Variants in MARCHF10 observed in about 807,000 individuals in gnomAD.
MARCHF10 encodes membrane associated ring-CH-type finger 10, also known as probable E3 ubiquitin-protein ligase MARCHF10.
A neutral mutation model predicts 76.2 loss-of-function variants in MARCHF10; 64 were observed. The observed-to-expected ratio is 0.84, with a 90% CI of 0.69 to 1.03. The LOEUF is 1.03. MARCHF10 is among the 50% of genes least tolerant of loss of function. MARCHF10 has a pLI of 0.00. For missense variants in MARCHF10, 875 were observed against 958.0 expected (o/e 0.91, Z 1.14); for synonymous variants, 340 against 357.5 (o/e 0.95, Z 0.55).
intron 3 of MARCHF10, among the ~76,000 whole-genome samples, chr17:62,767,237 T>C (rs1189246603): frequency 1.3e-5 from 2 of 149,550 alleles, no homozygotes; most frequent in East Asian, 4.0e-4. Flanking sequence ...TATGTTTCTT[T>C]TAGAGAGAGA....
At chr17:62,801,907 T>C (rs968369137) in intron 1 of MARCHF10, among the ~76,000 whole-genome samples, 155 bp from the exon 2 acceptor site, 1 of 152,238 alleles carries the variant, frequency 6.6e-6, no homozygotes, top group African/African-American at 2.4e-5. Flanking sequence ...AAGGGACTTC[T>C]TGTGTTGCTG....
Position 62,754,099 on chromosome 17 carries a change from G to A in MARCHF10, c.382+5736C>T, listed in dbSNP as rs147851115. Among the ~76,000 whole-genome samples the A allele has an allele frequency of 9.2e-5, 14 of 152,134 alleles. 1 individual carries two copies. The East Asian group carries it at 2.5e-3, about 27-fold the overall frequency. On this transcript the variant is annotated intron_variant, in intron 4 of 10. Coordinates refer to ENST00000311269, the MANE Select transcript of MARCHF10 (RefSeq NM_152598.4). ...TTTTTGTTGTTGTTGTCGAGACATG[G>A]TTTCACTCTGTCGCCCAGGCTGGAG... is the stretch of plus-strand genomic sequence containing the variant.
chr17:62,769,727 C>G (rs1163256680), intron 3 of MARCHF10, among the ~76,000 whole-genome samples: 2 of 152,128 alleles, frequency 1.3e-5, no homozygotes, highest in Non-Finnish European at 2.9e-5. Flanking sequence ...TTCCACATTC[C>G]TTTTACAATT....
chr17:62,759,582 G>A (rs980191041), intron 4 of MARCHF10, among the ~76,000 whole-genome samples: 1 of 152,096 alleles, frequency 6.6e-6, no homozygotes, highest in Non-Finnish European at 1.5e-5. Flanking sequence ...GGGTTCAAGC[G>A]ATTCTCCTGC....
intron 2 of MARCHF10, among the ~76,000 whole-genome samples, chr17:62,798,079 T>G (rs1403138698): frequency 6.6e-6 from 1 of 152,106 alleles, no homozygotes; most frequent in African/African-American, 2.4e-5. Context: ...CATAGCCAAC[T>G]GGGAAATACA....
chr17:62,761,299 G>C (rs1230040769), intron 3 of MARCHF10, among the ~76,000 whole-genome samples: 1 of 152,204 alleles, frequency 6.6e-6, no homozygotes, highest in East Asian at 1.9e-4. Context: ...AAAAGAACCA[G>C]AAAAGCACAA....
intron 3 of MARCHF10, among the ~76,000 whole-genome samples, chr17:62,781,740 T>C (rs2092661999): frequency 6.6e-6 from 1 of 152,206 alleles, no homozygotes; most frequent in African/African-American, 2.4e-5. Context: ...AAGCCATTAT[T>C]TGATGGTAAA....
At chr17:62,772,144 A>G (rs1265850117) in intron 3 of MARCHF10, among the ~76,000 whole-genome samples, 1 of 152,184 alleles carries the variant, frequency 6.6e-6, no homozygotes, top group Non-Finnish European at 1.5e-5. Flanking sequence ...CTTGAATTGT[A>G]GCTCCCACAA....
At chr17:62,796,727 G>A (rs749180330) in intron 2 of MARCHF10, among the ~76,000 whole-genome samples, 7 of 152,164 alleles carry the variant, frequency 4.6e-5, no homozygotes, top group East Asian at 3.8e-4. Context: ...GGTGGCTCAC[G>A]CCTGTAATCC....
intron 2 of MARCHF10, among the ~76,000 whole-genome samples, chr17:62,797,785 G>T (rs1398765342): frequency 6.6e-6 from 1 of 152,188 alleles, no homozygotes; most frequent in Non-Finnish European, 1.5e-5. Flanking sequence ...CTGACAGATG[G>T]CAGGACTGGA....
At position 62,757,131 on chromosome 17, in the gene MARCHF10, T is replaced by C. The variant is rs185601270; in HGVS notation, c.382+2704A>G. Among the ~76,000 whole-genome samples the C allele has an allele frequency of 2.0e-4, 31 of 152,194 alleles. No individual in the cohort carries two copies. The East Asian group carries it at 5.6e-3, about 28-fold the overall frequency. On this transcript the variant is annotated intron_variant, in intron 4 of 10. Coordinates refer to ENST00000311269, the MANE Select transcript of MARCHF10 (RefSeq NM_152598.4). ...AGTCGAGCCATGTTCCCCAGCTATATATTTTTTTTTCAGTAAAAGTCTGGT... is the reference window on the plus strand; with the variant it reads ...AGTCGAGCCATGTTCCCCAGCTATACATTTTTTTTTCAGTAAAAGTCTGGT...
At chr17:62,797,542 G>A (rs1598073621) in intron 2 of MARCHF10, among the ~76,000 whole-genome samples, 1 of 152,180 alleles carries the variant, frequency 6.6e-6, no homozygotes, top group South Asian at 2.1e-4. Flanking sequence ...ATGTGTATGA[G>A]CACAGAGATT....
intron 4 of MARCHF10, among the ~76,000 whole-genome samples, chr17:62,744,809 T>C (rs561047569): frequency 6.6e-6 from 1 of 151,976 alleles, no homozygotes; most frequent in East Asian, 2.0e-4. Context: ...AGGTCAGGAG[T>C]TTGAGACCAG....
chr17:62,804,648 G>A (rs995521614), intron 1 of MARCHF10, among the ~76,000 whole-genome samples: 2 of 152,114 alleles, frequency 1.3e-5, no homozygotes, highest in Non-Finnish European at 2.9e-5. Flanking sequence ...AAGAAGTTTG[G>A]CTTTGACTGG....
At position 62,786,364 on chromosome 17, in the gene MARCHF10, A is replaced by G. The variant is rs886724074; in HGVS notation, c.210+2116T>C. On this transcript the variant is annotated intron_variant, in intron 3 of 10. Transcript: ENST00000311269. ...ACATGGACACAGGGTGGGGAATATC[A>G]CACACTGGGGCATGTCATGGGGTGG... is the stretch of plus-strand genomic sequence containing the variant. 1.1e-4 allele frequency among the ~76,000 whole-genome samples: 15 copies of G among 140,768 alleles called. No individual in the cohort carries two copies. The East Asian group carries it at 3.5e-3, about 33-fold the overall frequency. The allele number at this position is 140,768 out of a possible 152,430, so 92.3% of individuals were successfully genotyped here.
At chr17:62,801,209 A>G (rs971665674) in intron 2 of MARCHF10, among the ~76,000 whole-genome samples, 2 of 152,174 alleles carry the variant, frequency 1.3e-5, no homozygotes, top group Admixed American at 1.3e-4. Flanking sequence ...CCCAGGCTAA[A>G]GTGCAGTGGC....
intron 4 of MARCHF10, among the ~76,000 whole-genome samples, chr17:62,753,719 T>G (rs1568163499): frequency 6.6e-6 from 1 of 152,144 alleles, no homozygotes; most frequent in East Asian, 1.9e-4. Context: ...CCTTCAGGAT[T>G]TTCACTCCAC....
chr17:62,734,953 A>G (rs2091197511), intron 6 of MARCHF10, among the ~76,000 whole-genome samples: 1 of 152,158 alleles, frequency 6.6e-6, no homozygotes, highest in Non-Finnish European at 1.5e-5. Flanking sequence ...GGTGGGTGTA[A>G]GGTCTCTTGC....
intron 8 of MARCHF10, among the ~76,000 whole-genome samples, chr17:62,719,929 C>G (rs949372314): frequency 4.6e-5 from 7 of 152,172 alleles, no homozygotes; most frequent in African/African-American, 1.7e-4. Context: ...ATGCTCAACT[C>G]AAAGATTCTT....
Sources: gnomAD v4.1 joint callset for allele counts (sites outside exome capture counted in the v4.1 genomes callset) on GRCh38, gnomAD v4.1.1 for gene constraint, MANE v1.5 for transcripts, NCBI Gene and HGNC (gene_info 2026-07-23, HGNC 2026-07-21) for gene names.